The following OR6N1 variants were observed in gnomAD, a reference collection of about 807,000 sequenced individuals.
OR6N1 encodes the protein olfactory receptor family 6 subfamily N member 1, also known as olfactory receptor 6N1.
For synonymous variants in OR6N1, 170 were observed against 150.7 expected (o/e 1.13, Z -0.94); for missense variants, 394 against 371.7 (o/e 1.06, Z -0.49).
At position 158,765,638 on chromosome 1, in the gene OR6N1, C is replaced by A; in HGVS notation, c.*106G>T. The A allele has an allele frequency of 3.3e-6, 3 of 905,708 alleles. No homozygotes were observed. The highest frequency in any genetic ancestry group is 5.2e-6 in the Non-Finnish European group (3 of 582,210). The allele number at this position is 905,708 out of a possible 1,614,324, so 56.1% of individuals were successfully genotyped here. The stretch of plus-strand genomic sequence containing the variant: ...TCAGCACTTGCTGCAGCTCCACCAC[C>A]CCACATAGAAAAGCACTGAATTTTT... On this transcript the variant is annotated 3_prime_UTR_variant, in exon 2 of 2. Coordinates refer to ENST00000641846, the MANE Select transcript of OR6N1 (RefSeq NM_001005185.2).
chr1:158,775,504 T>C (rs1247556930), upstream of OR6N1: 1 of 152,218 alleles, frequency 6.6e-6, no homozygotes, highest in Non-Finnish European at 1.5e-5. Context: ...CTTTGAATTT[T>C]ATCTTAAGGG....
chr1:158,766,166 G>A lies in OR6N1; in HGVS notation c.517C>T (p.Arg173Cys), dbSNP rs150316932. 128 of 1,614,148 alleles carry A rather than the reference G, an allele frequency of 7.9e-5. No homozygotes were observed. Among genetic ancestry groups the A allele is most frequent in the East Asian group, 3.3e-4 (15 of 44,872 alleles). ...ISRLPFCGPN[R>C]IQHVFCDFPP... is the part of the protein sequence containing the mutation. ...AAGTCACAAAAGACGTGCTGAATGC[G>A]ATTGGGGCCACAGAATGGGAGGCGT... is the stretch of plus-strand genomic sequence containing the variant. The change falls in exon 2 of 2, where the codon CGC becomes TGC. Residue 173 changes from arginine (R) to cysteine (C), a missense_variant. Transcript: ENST00000641846.
chr1:158,834,563 TA>T, the OR6N1 span, among the ~76,000 whole-genome samples: 1 of 152,202 alleles, frequency 6.6e-6, no homozygotes, highest in Non-Finnish European at 1.5e-5. Flanking sequence ...TCTCATTCTC[TA>T]GGTTCCCTTT....
chr1:158,816,971 G>A, the OR6N1 span, among the ~76,000 whole-genome samples: 1 of 152,212 alleles, frequency 6.6e-6, no homozygotes, highest in African/African-American at 2.4e-5. Context: ...GTCTGCTGGA[G>A]TGAATCTAGG....
At chr1:158,805,606 C>A in the OR6N1 span, among the ~76,000 whole-genome samples, 1 of 151,832 alleles carries the variant, frequency 6.6e-6, no homozygotes, top group Non-Finnish European at 1.5e-5. Flanking sequence ...AGAAGCTCTG[C>A]GCTAAAGATG....
the OR6N1 span, among the ~76,000 whole-genome samples, chr1:158,810,516 C>T: frequency 6.6e-6 from 1 of 152,158 alleles, no homozygotes; most frequent in African/African-American, 2.4e-5. Flanking sequence ...GGAAGTGCAG[C>T]AGAGCAGCTC....
the OR6N1 span, among the ~76,000 whole-genome samples, chr1:158,807,894 A>G: frequency 6.6e-6 from 1 of 152,142 alleles, no homozygotes; most frequent in Non-Finnish European, 1.5e-5. Context: ...ATCAGAGACC[A>G]TAACCCCTTT....
At chr1:158,798,753 C>T in the OR6N1 span, among the ~76,000 whole-genome samples, 3 of 152,032 alleles carry the variant, frequency 2.0e-5, no homozygotes, top group Non-Finnish European at 4.4e-5. Flanking sequence ...GATTTATTTG[C>T]CTGGTGTTTT....
the OR6N1 span, among the ~76,000 whole-genome samples, chr1:158,836,444 T>G: frequency 6.6e-6 from 1 of 152,012 alleles, no homozygotes; most frequent in African/African-American, 2.4e-5. Context: ...TCTTTATGAT[T>G]CAAAATTTGC....
chr1:158,777,410 T>G, the OR6N1 span: 1 of 1,614,126 alleles, frequency 6.2e-7, no homozygotes, highest in South Asian at 1.1e-5. Flanking sequence ...GGGATAGTGG[T>G]AGCTGTATAC....
chr1:158,778,099 A>T, the OR6N1 span, among the ~76,000 whole-genome samples: 1 of 152,356 alleles, frequency 6.6e-6, no homozygotes, highest in African/African-American at 2.4e-5. Flanking sequence ...AGACTTAAAG[A>T]GTGAATTTTG....
intron 1 of OR6N1, among the ~76,000 whole-genome samples, chr1:158,770,165 T>C (rs1245253519): frequency 4.6e-5 from 7 of 152,326 alleles, no homozygotes; most frequent in Non-Finnish European, 8.8e-5. Context: ...AGATTGAATA[T>C]GAGAAGCCAG....
chr1:158,796,608 A>G, the OR6N1 span, among the ~76,000 whole-genome samples: 1 of 152,092 alleles, frequency 6.6e-6, no homozygotes, highest in East Asian at 1.9e-4. Context: ...AAATTTTCTG[A>G]TACATTTCTA....
At chr1:158,797,152 G>C in the OR6N1 span, among the ~76,000 whole-genome samples, 1 of 152,206 alleles carries the variant, frequency 6.6e-6, no homozygotes, top group Admixed American at 6.5e-5. Context: ...TGGGGATGCT[G>C]CTAGCCCCAC....
At chr1:158,832,090 TACA>T in the OR6N1 span, among the ~76,000 whole-genome samples, 9 of 152,192 alleles carry the variant, frequency 5.9e-5, no homozygotes, top group South Asian at 2.1e-4. Flanking sequence ...TGCTTCATTT[TACA>T]ACAAGTGTAA....
chr1:158,816,738 A>G, the OR6N1 span, among the ~76,000 whole-genome samples: 1 of 152,206 alleles, frequency 6.6e-6, no homozygotes, highest in African/African-American at 2.4e-5. Flanking sequence ...ATAACCAAAA[A>G]GTGGCAACAC....
rs1309233874 is a variant in OR6N1 at position 158,766,196 on chromosome 1, T to C, written c.487A>G (p.Ile163Val). ...GGGCCACAGAATGGGAGGCGTGAAATCAAGGAAATTTCAACTACTGGCCCA... is the reference window on the plus strand; with the variant it reads ...GGGCCACAGAATGGGAGGCGTGAAACCAAGGAAATTTCAACTACTGGCCCA... ...LAGPVVEISL[I>V]SRLPFCGPNR... Residue 163 changes from isoleucine (I) to valine (V), a missense_variant, in exon 2 of 2, where the codon ATT becomes GTT. Transcript: ENST00000641846. 6.2e-7 allele frequency: 1 copy of C among 1,613,872 alleles called. No individual in the cohort carries two copies. Among genetic ancestry groups the C allele is most frequent in the Admixed American group, 1.7e-5 (1 of 60,000 alleles).
In OR6N1 at chr1:158,766,410, G is replaced by T. The variant is rs1311442277; in HGVS notation, c.273C>A (p.Thr91=). 3.1e-6 allele frequency: 5 copies of T among 1,614,000 alleles called. No homozygotes were observed. Among genetic ancestry groups the T allele is most frequent in the Non-Finnish European group, 4.2e-6 (5 of 1,180,034 alleles). Residue 91 remains threonine, a synonymous_variant, in exon 2 of 2, where the codon ACC becomes ACA. Coordinates refer to ENST00000641846, the MANE Select transcript of OR6N1 (RefSeq NM_001005185.2). ...GCAGGAGACACCCAGAGAATGAAATGGTCTTTTTCTCACTGAGCAAGTTTG... is the reference window on the plus strand; with the variant it reads ...GCAGGAGACACCCAGAGAATGAAATTGTCTTTTTCTCACTGAGCAAGTTTG... ...MLANLLSEKK[T]ISFSGCLLQI...
At chr1:158,791,965 A>C in the OR6N1 span, among the ~76,000 whole-genome samples, 3 of 152,232 alleles carry the variant, frequency 2.0e-5, no homozygotes, top group East Asian at 5.8e-4. Context: ...TTATGCCTCG[A>C]TTATCTGTCT....
Sources: gnomAD v4.1 joint callset for allele counts (sites outside exome capture counted in the v4.1 genomes callset) on GRCh38, gnomAD v4.1.1 for gene constraint, MANE v1.5 for transcripts, NCBI Gene and HGNC (gene_info 2026-07-23, HGNC 2026-07-21) for gene names.